CBFA2T3: variants seen among roughly 807,000 people sequenced by gnomAD.
CBFA2T3 encodes transcriptional corepressor CBFA2T3.
CBFA2T3 carries 31 observed loss-of-function variants against 58.6 expected under a neutral mutation model. The observed-to-expected ratio is 0.53, with a 90% CI of 0.40 to 0.71. CBFA2T3 has a LOEUF of 0.71. CBFA2T3 is among the 30% of genes least tolerant of loss of function. The pLI is 0.00. For synonymous variants in CBFA2T3, 531 were observed against 421.9 expected (o/e 1.26, Z -3.17); for missense variants, 1,076 against 963.1 (o/e 1.12, Z -1.55).
rs545810968 is a variant in CBFA2T3, at chr16:88,918,707, G to A, written c.152-17051C>T. ...CCAGCCCAGAACATTCTGTCTTCTT[G>A]CCCTAAGAACTTTTGAAATGTCCCA... On this transcript the variant is annotated intron_variant, in intron 1 of 11. Coordinates refer to ENST00000268679, the MANE Select transcript of CBFA2T3 (RefSeq NM_005187.6). Among the ~76,000 whole-genome samples, 3 of 152,338 alleles carry A rather than the reference G, an allele frequency of 2.0e-5. No individual in the cohort carries two copies. In the South Asian group the frequency reaches 6.2e-4, roughly 32 times the overall value.
In CBFA2T3 at chr16:88,901,294, G is replaced by A. The variant is rs373289779; in HGVS notation, c.304+210C>T. ...AAGAGGAAGCCCAGGCCCCCCGGAG[G>A]GCAAGGACATGACCCGGAGCTACCC... On this transcript the variant is annotated intron_variant, in intron 2 of 11. Transcript: ENST00000268679. Among the ~76,000 whole-genome samples, 10 of 152,366 alleles carry A rather than the reference G, an allele frequency of 6.6e-5. No homozygotes were observed. In the South Asian group the frequency reaches 1.2e-3, roughly 19 times the overall value.
intron 1 of CBFA2T3, among the ~76,000 whole-genome samples, chr16:88,961,833 A>C (rs1435301664): frequency 1.1e-4 from 13 of 118,012 alleles, no homozygotes; most frequent in African/African-American, 2.0e-4. Context: ...AGTAACCGAC[A>C]CTCAGCGCTG....
Position 88,916,332 on chromosome 16 carries a change from ATG to A in CBFA2T3, c.152-14678_152-14677del, listed in dbSNP as rs553807370. ...TGCGTGTGTATTCATGCGTGTATTC[ATG>A]TGTGTGCATGGGTGTGTGTCCGTGT... On this transcript the variant is annotated intron_variant, in intron 1 of 11. Coordinates refer to ENST00000268679, the MANE Select transcript of CBFA2T3 (RefSeq NM_005187.6). 5.4e-5 allele frequency among the ~76,000 whole-genome samples: 8 copies of A among 147,902 alleles called. No homozygotes were observed. The South Asian group carries it at 6.5e-4, about 12-fold the overall frequency.
At chr16:88,894,956 G>A (rs1381239369) in intron 3 of CBFA2T3, among the ~76,000 whole-genome samples, 2 of 152,146 alleles carry the variant, frequency 1.3e-5, no homozygotes, top group African/African-American at 4.8e-5. Context: ...CCTGGATGGT[G>A]GGGGGTCTTG....
At position 88,887,558 on chromosome 16, in the gene CBFA2T3, G is replaced by A. The variant is rs900779975; in HGVS notation, c.712-1416C>T. Among the ~76,000 whole-genome samples, 7 of 152,272 alleles carry A rather than the reference G, an allele frequency of 4.6e-5. No individual in the cohort carries two copies. The East Asian group carries it at 7.7e-4, about 17-fold the overall frequency. ...GTGTGGGGCAGGCTCAGGAAAGGGT[G>A]CAGAGAACCCAGGACTGGGCAGCAT... is the stretch of plus-strand genomic sequence containing the variant. On this transcript the variant is annotated intron_variant, in intron 5 of 11. Coordinates refer to ENST00000268679, the MANE Select transcript of CBFA2T3 (RefSeq NM_005187.6).
At chr16:88,964,061 GT>G (rs1273783166) in intron 1 of CBFA2T3, among the ~76,000 whole-genome samples, 1 of 152,210 alleles carries the variant, frequency 6.6e-6, no homozygotes, top group East Asian at 1.9e-4. Flanking sequence ...CTCTATGGGG[GT>G]CTTTAAAGGG....
intron 5 of CBFA2T3, 136 bp downstream of exon 5, chr16:88,891,746 C>T (rs940691813): frequency 2.0e-5 from 13 of 654,698 alleles, no homozygotes; most frequent in African/African-American, 1.8e-4. Context: ...CGATGCCTCA[C>T]ACCTCTTCAT....
intron 2 of CBFA2T3, among the ~76,000 whole-genome samples, chr16:88,899,383 C>T (rs1309521063): frequency 6.6e-6 from 1 of 152,222 alleles, no homozygotes; most frequent in Non-Finnish European, 1.5e-5. Context: ...CAGACTGATG[C>T]TGCTGACAGC....
Position 88,931,164 on chromosome 16 carries a change from C to A in CBFA2T3, c.152-29508G>T, listed in dbSNP as rs568444456. Reference sequence around the variant, plus strand: ...GCTGCCTCTTCCCTGAGTTTGGGCACCTTAAATGTGAGAGGGGCTCAGCCT... The same window carrying A: ...GCTGCCTCTTCCCTGAGTTTGGGCAACTTAAATGTGAGAGGGGCTCAGCCT... On this transcript the variant is annotated intron_variant, in intron 1 of 11. Transcript: ENST00000268679. Among the ~76,000 whole-genome samples, 10 of 152,104 alleles carry A rather than the reference C, an allele frequency of 6.6e-5. No homozygotes were observed. The South Asian group carries it at 2.1e-3, about 32-fold the overall frequency.
At chr16:88,962,944 C>T (rs1972404598) in intron 1 of CBFA2T3, among the ~76,000 whole-genome samples, 2 of 152,200 alleles carry the variant, frequency 1.3e-5, no homozygotes, top group South Asian at 4.1e-4. Context: ...TTCCACAGGG[C>T]CTCCAGGAGG....
intron 3 of CBFA2T3, among the ~76,000 whole-genome samples, chr16:88,895,203 C>T (rs1473078814): frequency 1.3e-5 from 2 of 152,238 alleles, no homozygotes; most frequent in Non-Finnish European, 2.9e-5. Context: ...CCAGAGGGCA[C>T]TGACCAGCCC....
Position 88,901,567 on chromosome 16 carries a change from G to C in CBFA2T3, c.241C>G (p.Pro81Ala). 6.7e-7 allele frequency: 1 copy of C among 1,486,058 alleles called. No individual in the cohort carries two copies. Among genetic ancestry groups the C allele is most frequent in the Admixed American group, 2.8e-5 (1 of 36,182 alleles). 92.1% of individuals were successfully genotyped at this position (1,486,058 alleles called of 1,614,324 possible). ...TQPRSTPPSM[P>A]PPPPAASQGA... ...TGGGATGCGGCAGGCGGTGGGGGCG[G>C]CATGCTGGGGGGTGTGGACCGGGGC... The change falls in exon 2 of 12, where the codon CCG becomes GCG. Residue 81 changes from proline (P) to alanine (A), a missense_variant. Transcript: ENST00000268679.
In CBFA2T3 at chr16:88,881,326, C is replaced by T. The variant is rs756757934; in HGVS notation, c.1367G>A (p.Arg456His). The T allele has an allele frequency of 1.7e-5, 27 of 1,586,148 alleles. No homozygotes were observed. Among genetic ancestry groups the T allele is most frequent in the South Asian group, 1.0e-4 (9 of 88,862 alleles). Residue 456 changes from arginine (R) to histidine (H), a missense_variant, in exon 9 of 12, where the codon CGC (arginine) becomes CAC (histidine). Coordinates refer to ENST00000268679, the MANE Select transcript of CBFA2T3 (RefSeq NM_005187.6). The stretch of plus-strand genomic sequence containing the variant: ...CCCTTCGGGACCGGCGGAGCTGCTG[C>T]GGGGCCGGGCCGCGGCGGGAGCGGG... ...KGPAPAAARP[R>H]SSSAGPEGPQ...
intron 1 of CBFA2T3, among the ~76,000 whole-genome samples, chr16:88,920,847 C>T (rs1970889200): frequency 6.6e-6 from 1 of 152,226 alleles, no homozygotes; most frequent in Non-Finnish European, 1.5e-5. Context: ...CCTGAGGCTG[C>T]CTCCCGCCCT....
intron 2 of CBFA2T3, among the ~76,000 whole-genome samples, chr16:88,899,232 G>A (rs1428341984): frequency 6.6e-6 from 1 of 152,122 alleles, no homozygotes; most frequent in African/African-American, 2.4e-5. Flanking sequence ...TCCCGGCAGG[G>A]CTCTGCAACT....
At position 88,894,532 on chromosome 16, in the gene CBFA2T3, C is replaced by T. The variant is rs1015180577; in HGVS notation, c.380-2047G>A. ...ATGCACACACACATGCATACATATACACATGCACACAATGTACACACATGC... is the reference window on the plus strand; with the variant it reads ...ATGCACACACACATGCATACATATATACATGCACACAATGTACACACATGC... On this transcript the variant is annotated intron_variant, in intron 3 of 11. Coordinates refer to ENST00000268679, the MANE Select transcript of CBFA2T3 (RefSeq NM_005187.6). Among the ~76,000 whole-genome samples the T allele has an allele frequency of 2.3e-5, 3 of 133,258 alleles. No individual in the cohort carries two copies. In the East Asian group the frequency reaches 8.6e-4, roughly 38 times the overall value. The allele number at this position is 133,258 out of a possible 152,430, so 87.4% of individuals were successfully genotyped here. A position where few individuals can be genotyped will look rare whatever the true frequency, so the allele number is the denominator to read the frequency against.
At chr16:88,902,426 C>G (rs1394476576) in intron 1 of CBFA2T3, 1 of 152,278 alleles carries the variant, frequency 6.6e-6, no homozygotes, top group Non-Finnish European at 1.5e-5. Flanking sequence ...ACAAGATTCC[C>G]TCGTGGTCTG....
chr16:88,885,837 G>T lies in CBFA2T3; in HGVS notation c.893+124C>A, dbSNP rs1969344891. 2 of 850,854 alleles carry T rather than the reference G, an allele frequency of 2.4e-6. No individual in the cohort carries two copies. Among genetic ancestry groups the T allele is most frequent in the Non-Finnish European group, 3.6e-6 (2 of 552,402 alleles). 52.7% of individuals were successfully genotyped at this position (850,854 alleles called of 1,614,324 possible). Reference sequence around the variant, plus strand: ...TAGTACACCTCGCCACGCTCCCTCAGCCCGAGAGAGCCGGCCGGGCTGGCT... The same window carrying T: ...TAGTACACCTCGCCACGCTCCCTCATCCCGAGAGAGCCGGCCGGGCTGGCT... On this transcript the variant is annotated intron_variant, in intron 6 of 11. Transcript: ENST00000268679. The surrounding 1 kb of genome is among the most constrained non-coding windows in gnomAD (Gnocchi z 5.3).
At chr16:88,905,129 AG>A (rs1306875546) in intron 1 of CBFA2T3, among the ~76,000 whole-genome samples, 1 of 147,034 alleles carries the variant, frequency 6.8e-6, no homozygotes, top group East Asian at 2.1e-4. Context: ...CCTGGGAAGG[AG>A]GGGGGTGGGG....
Sources: allele counts gnomAD v4.1 joint callset (sites outside exome capture counted in the v4.1 genomes callset), GRCh38; gene constraint gnomAD v4.1.1; non-coding constraint Gnocchi (gnomAD v3.1); transcripts MANE v1.5; gene names NCBI Gene and HGNC (gene_info 2026-07-23, HGNC 2026-07-21).